FOXJ3: variants seen among roughly 807,000 people sequenced by gnomAD.
FOXJ3 encodes the protein forkhead box J3.
FOXJ3 carries 22 observed loss-of-function variants against 76.1 expected under a neutral mutation model. That is an observed-to-expected ratio of 0.29 (90% CI 0.21 to 0.41). FOXJ3 has a LOEUF of 0.41. Among genes scored for constraint, FOXJ3 ranks in the 10% least tolerant of loss-of-function variants. The probability of loss-of-function intolerance (pLI) is 1.00; values close to 1 mark genes in which losing one functional copy is unlikely to be tolerated. For synonymous variants in FOXJ3, 269 were observed against 261.2 expected, an observed-to-expected ratio of 1.03 and a Z score of -0.29; for missense variants, 613 against 762.1, an observed-to-expected ratio of 0.80 and a Z score of 2.30.
chr1:42,248,482 C>T (rs1009311229), intron 4 of FOXJ3, among the ~76,000 whole-genome samples: 4 of 149,658 alleles, frequency 2.7e-5, no homozygotes, highest in East Asian at 2.0e-4. Flanking sequence ...TGCAGTGAGC[C>T]GAGATTGCGC....
At chr1:42,232,084 T>C (rs551470070) in intron 4 of FOXJ3, among the ~76,000 whole-genome samples, 42 of 152,346 alleles carry the variant, frequency 2.8e-4, no homozygotes, top group African/African-American at 9.1e-4. Flanking sequence ...TTGCTGAGAA[T>C]GATGGTTTCC....
At chr1:42,328,044 CCCA>C (rs1221192166) in intron 1 of FOXJ3, among the ~76,000 whole-genome samples, 1 of 152,192 alleles carries the variant, frequency 6.6e-6, no homozygotes, top group Non-Finnish European at 1.5e-5. Flanking sequence ...CGCCTGCAAT[CCCA>C]GCACTTTGGG....
intron 2 of FOXJ3, among the ~76,000 whole-genome samples, chr1:42,287,836 T>C (rs932222466): frequency 6.5e-4 from 99 of 152,016 alleles, no homozygotes; most frequent in African/African-American, 2.1e-3. Flanking sequence ...TGGTAGTGTG[T>C]CCCTGTAGTC....
At chr1:42,243,593 A>C (rs756672681) in intron 4 of FOXJ3, among the ~76,000 whole-genome samples, 32 of 152,354 alleles carry the variant, frequency 2.1e-4, no homozygotes, top group Non-Finnish European at 3.7e-4. Flanking sequence ...TATTCCACAC[A>C]AACAGTAACC....
chr1:42,248,953 T>C (rs1557672102), intron 4 of FOXJ3, among the ~76,000 whole-genome samples: 1 of 152,068 alleles, frequency 6.6e-6, no homozygotes. Flanking sequence ...CCTCCCTGTG[T>C]CCATGTGTCC....
In FOXJ3 at chr1:42,226,607, CA is replaced by C. The variant is rs767192118; in HGVS notation, c.528+1275del. On this transcript the variant is annotated intron_variant, in intron 5 of 12. Coordinates refer to ENST00000361346, the MANE Select transcript of FOXJ3 (RefSeq NM_014947.5). ...TGGGTGACAGAGCGAGACTCCATCT[CA>C]AAAAAAAAAAAATTTTGTCTAGCTC... Among the ~76,000 whole-genome samples the C allele has an allele frequency of 4.8e-3, 676 of 141,790 alleles. 4 individuals carry two copies. The highest frequency in any genetic ancestry group is 7.4e-3 in the Middle Eastern group (2 of 272). 93.0% of individuals were successfully genotyped at this position (141,790 alleles called of 152,430 possible).
At chr1:42,335,343 T>C (rs2487588), upstream of FOXJ3, 95,567 of 152,058 alleles carry the variant, frequency 0.63, 31,505 homozygotes, top group Admixed American at 0.75. Flanking sequence ...TCACGGTCGC[T>C]TCGACGCACG....
Position 42,236,685 on chromosome 1 carries a change from T to C in FOXJ3, c.445-8719A>G, listed in dbSNP as rs1346059874. Among the ~76,000 whole-genome samples, 5 of 152,218 alleles carry C rather than the reference T, an allele frequency of 3.3e-5. No individual in the cohort carries two copies. The East Asian group carries it at 9.6e-4, about 29-fold the overall frequency. On this transcript the variant is annotated intron_variant, in intron 4 of 12. Transcript: ENST00000361346. ...ATTCCCTTTCCTTAGCCTTCTCTCA[T>C]CCCATACAACCACTGATTCCTATCA...
chr1:42,200,518 G>A (rs368821589), intron 6 of FOXJ3, among the ~76,000 whole-genome samples: 42 of 151,872 alleles, frequency 2.8e-4, no homozygotes, highest in African/African-American at 7.2e-4. Context: ...TCGCTTTGTC[G>A]CCTAGGCTGG....
At chr1:42,299,913 A>G (rs1174254492) in intron 2 of FOXJ3, among the ~76,000 whole-genome samples, 4 of 152,044 alleles carry the variant, frequency 2.6e-5, no homozygotes, top group Non-Finnish European at 5.9e-5. Context: ...ATCTTAAAAT[A>G]TATATATAGG....
chr1:42,327,798 T>C (rs1025865640), intron 1 of FOXJ3, among the ~76,000 whole-genome samples: 3 of 152,176 alleles, frequency 2.0e-5, no homozygotes, highest in Non-Finnish European at 4.4e-5. Context: ...TAGTAAACAC[T>C]ATACCACTGA....
At chr1:42,294,408 C>T (rs1283435784) in intron 2 of FOXJ3, among the ~76,000 whole-genome samples, 1 of 151,994 alleles carries the variant, frequency 6.6e-6, no homozygotes, top group Non-Finnish European at 1.5e-5. Context: ...AAATTTTCTC[C>T]CCCAGGATTT....
At chr1:42,215,619 C>A (rs915166624) in intron 5 of FOXJ3, among the ~76,000 whole-genome samples, 1 of 151,960 alleles carries the variant, frequency 6.6e-6, no homozygotes, top group East Asian at 1.9e-4. Flanking sequence ...GCTCAGTAAA[C>A]CCCAATAAAA....
intron 1 of FOXJ3, among the ~76,000 whole-genome samples, chr1:42,313,361 C>T (rs1654923101): frequency 6.6e-6 from 1 of 151,364 alleles, no homozygotes; most frequent in African/African-American, 2.4e-5. Context: ...AAGCTTCATA[C>T]CTAGAATTGT....
chr1:42,232,012 C>T (rs529846906), intron 4 of FOXJ3, among the ~76,000 whole-genome samples: 318 of 151,798 alleles, frequency 2.1e-3, no homozygotes, highest in Middle Eastern at 3.4e-3. Context: ...TGTGTTCTCA[C>T]TGTTCAATTC....
chr1:42,328,429 A>C (rs1396539279), intron 1 of FOXJ3, among the ~76,000 whole-genome samples: 1 of 152,238 alleles, frequency 6.6e-6, no homozygotes, highest in Non-Finnish European at 1.5e-5. Context: ...GTCCCACTCT[A>C]CAAGTATGAG....
chr1:42,324,917 A>C (rs1367890929), intron 1 of FOXJ3, among the ~76,000 whole-genome samples: 1 of 152,060 alleles, frequency 6.6e-6, no homozygotes, highest in Non-Finnish European at 1.5e-5. Flanking sequence ...GACTACACTA[A>C]ATTTTTTTTA....
At chr1:42,180,573 T>G (rs2124094695) in intron 12 of FOXJ3, among the ~76,000 whole-genome samples, 1 of 152,350 alleles carries the variant, frequency 6.6e-6, no homozygotes, top group African/African-American at 2.4e-5. Context: ...TGTGGAAGTT[T>G]TACTGGATTT....
intron 3 of FOXJ3, among the ~76,000 whole-genome samples, chr1:42,272,868 C>CT (rs1328854840): frequency 1.3e-5 from 2 of 152,230 alleles, no homozygotes; most frequent in African/African-American, 2.4e-5. Flanking sequence ...TATTCTGACT[C>CT]TATCACGTTC....
Sources: allele counts gnomAD v4.1 joint callset (sites outside exome capture counted in the v4.1 genomes callset), GRCh38; gene constraint gnomAD v4.1.1; transcripts MANE v1.5; gene names NCBI Gene and HGNC (gene_info 2026-07-23, HGNC 2026-07-21).